The following MGAT4C variants were observed in gnomAD, a reference collection of about 807,000 sequenced individuals.
The protein encoded by MGAT4C is MGAT4 family member C.
Under a neutral mutation model 40.1 loss-of-function variants are expected in MGAT4C, and 19 were observed. That is an observed-to-expected ratio of 0.47 (90% confidence interval 0.33 to 0.70). MGAT4C has a LOEUF of 0.70. Among genes scored for constraint, MGAT4C ranks in the 30% least tolerant of loss-of-function variants. The probability of loss-of-function intolerance (pLI) is 0.02; values close to 1 mark genes in which losing one functional copy is unlikely to be tolerated. For synonymous variants in MGAT4C, 181 were observed against 187.1 expected (o/e 0.97, Z 0.27); for missense variants, 491 against 563.2 (o/e 0.87, Z 1.30).
At chr12:86,700,468 GC>G (rs1950342475) in intron 2 of MGAT4C, among the ~76,000 whole-genome samples, 1 of 152,136 alleles carries the variant, frequency 6.6e-6, no homozygotes, top group South Asian at 2.1e-4. Flanking sequence ...AGCAAGTTAA[GC>G]TTTTTACAGC....
chr12:86,496,284 G>A (rs1421791706), intron 2 of MGAT4C, among the ~76,000 whole-genome samples: 2 of 151,760 alleles, frequency 1.3e-5, no homozygotes, highest in Non-Finnish European at 2.9e-5. Context: ...TTCCTCCTCA[G>A]ATATTTAAGC....
chr12:86,084,340 G>T (rs1052091479), intron 1 of MGAT4C, among the ~76,000 whole-genome samples: 8 of 151,964 alleles, frequency 5.3e-5, no homozygotes, highest in South Asian at 2.1e-4. Context: ...ATGAAGTATT[G>T]TACCAGAGTA....
intron 1 of MGAT4C, among the ~76,000 whole-genome samples, chr12:86,202,426 A>C (rs1306285870): frequency 1.3e-5 from 2 of 152,052 alleles, no homozygotes; most frequent in East Asian, 3.9e-4. Context: ...CCTGCATTCA[A>C]TAGATAACGT....
chr12:86,267,754 A>G (rs564277058), intron 4 of MGAT4C, among the ~76,000 whole-genome samples: 1 of 152,128 alleles, frequency 6.6e-6, no homozygotes, highest in South Asian at 2.1e-4. Flanking sequence ...GCAAAGATGA[A>G]CATATTTTTA....
At position 85,979,128 on chromosome 12, in the gene MGAT4C, TAA is replaced by T. The variant is rs1362143539; in HGVS notation, c.*159_*160del. On this transcript the variant is annotated 3_prime_UTR_variant, in exon 5 of 5. Transcript: ENST00000611864. Reference sequence around the variant, plus strand: ...CGTTAAAATAAATACAAGTGTGTATTAAGAGTAAAATTATGTCAACAATGTAT... The same window carrying T: ...CGTTAAAATAAATACAAGTGTGTATTGAGTAAAATTATGTCAACAATGTAT... 4 of 557,506 alleles carry T rather than the reference TAA, an allele frequency of 7.2e-6. No individual in the cohort carries two copies. The South Asian group carries it at 8.5e-5, about 12-fold the overall frequency. The allele number at this position is 557,506 out of a possible 1,614,324, so 34.5% of individuals were successfully genotyped here.
chr12:86,564,225 T>C (rs940175837), intron 2 of MGAT4C, among the ~76,000 whole-genome samples: 1 of 152,174 alleles, frequency 6.6e-6, no homozygotes, highest in African/African-American at 2.4e-5. Context: ...GCAGCTGCTG[T>C]AGCAGTAGTT....
chr12:86,004,759 C>A (rs987515132), intron 2 of MGAT4C, among the ~76,000 whole-genome samples: 1 of 152,130 alleles, frequency 6.6e-6, no homozygotes, highest in Non-Finnish European at 1.5e-5. Flanking sequence ...TCCTTTTTCT[C>A]TTATTTATGG....
intron 3 of MGAT4C, among the ~76,000 whole-genome samples, chr12:86,423,475 A>G (rs1182197740): frequency 6.6e-6 from 1 of 152,078 alleles, no homozygotes; most frequent in African/African-American, 2.4e-5. Flanking sequence ...CTATGATAGA[A>G]CAACTAAAAA....
chr12:86,339,645 A>C (rs1954866485), intron 3 of MGAT4C, among the ~76,000 whole-genome samples: 1 of 152,166 alleles, frequency 6.6e-6, no homozygotes, highest in African/African-American at 2.4e-5. Flanking sequence ...ATACACTTAC[A>C]TTATTTATAT....
At chr12:86,409,468 T>C (rs953921742) in intron 3 of MGAT4C, among the ~76,000 whole-genome samples, 1 of 152,160 alleles carries the variant, frequency 6.6e-6, no homozygotes, top group Non-Finnish European at 1.5e-5. Flanking sequence ...GTGTGCATTT[T>C]CATCTTTGTA....
intron 4 of MGAT4C, among the ~76,000 whole-genome samples, chr12:86,300,971 T>C (rs1438223456): frequency 1.3e-5 from 2 of 152,178 alleles, no homozygotes; most frequent in African/African-American, 4.8e-5. Flanking sequence ...AAATTAGCTA[T>C]TTACTATGTG....
At chr12:86,579,621 T>C (rs1377961351) in intron 2 of MGAT4C, among the ~76,000 whole-genome samples, 1 of 151,576 alleles carries the variant, frequency 6.6e-6, no homozygotes, top group African/African-American at 2.4e-5. Flanking sequence ...GTCTGTGTTT[T>C]TCTGTGTACT....
At position 86,816,196 on chromosome 12, in the gene MGAT4C, T is replaced by C. The variant is rs1952603787; in HGVS notation, c.-262+22470A>G. Among the ~76,000 whole-genome samples the C allele has an allele frequency of 2.0e-5, 3 of 152,028 alleles. No individual in the cohort carries two copies. In the South Asian group the frequency reaches 6.2e-4, roughly 31 times the overall value. On this transcript the variant is annotated intron_variant, in intron 1 of 7. Coordinates refer to the MGAT4C transcript ENST00000548651. ...GTTTTCATTAGATAGTCTTATCAGGTAAATGAATTTCTCTTTCATATCTCC... is the reference window on the plus strand; with the variant it reads ...GTTTTCATTAGATAGTCTTATCAGGCAAATGAATTTCTCTTTCATATCTCC...
intron 2 of MGAT4C, among the ~76,000 whole-genome samples, chr12:86,529,197 C>A (rs1958936537): frequency 6.6e-6 from 1 of 152,018 alleles, no homozygotes; most frequent in Admixed American, 6.5e-5. Flanking sequence ...TAACTTTTTT[C>A]ATTTCTAGAT....
At chr12:86,496,199 A>C (rs1310148419) in intron 2 of MGAT4C, among the ~76,000 whole-genome samples, 8 of 151,536 alleles carry the variant, frequency 5.3e-5, no homozygotes, top group Non-Finnish European at 1.2e-4. Context: ...AAAGACAAAA[A>C]CCCAGGACAG....
chr12:86,394,437 ATAT>A (rs1956210392), intron 3 of MGAT4C, among the ~76,000 whole-genome samples: 1 of 148,744 alleles, frequency 6.7e-6, no homozygotes, highest in African/African-American at 2.4e-5. Context: ...TTGCTCTGAA[ATAT>A]TATTAGAAAT....
At position 86,560,263 on chromosome 12, in the gene MGAT4C, AG is replaced by A. The variant is rs549671363; in HGVS notation, c.-228-124999del. Among the ~76,000 whole-genome samples the A allele has an allele frequency of 5.9e-5, 9 of 152,216 alleles. No homozygotes were observed. The East Asian group carries it at 1.7e-3, about 29-fold the overall frequency. ...ACTTTGCCAACAAATTGAAGATGAG[AG>A]AATTCTTTCTGTCTCATCTATGAGG... is the stretch of plus-strand genomic sequence containing the variant. On this transcript the variant is annotated intron_variant, in intron 2 of 7. Coordinates refer to the MGAT4C transcript ENST00000548651.
chr12:86,546,210 G>A (rs1355430449), intron 2 of MGAT4C, among the ~76,000 whole-genome samples: 1 of 151,818 alleles, frequency 6.6e-6, no homozygotes, highest in African/African-American at 2.4e-5. Context: ...TCATATTGTA[G>A]TATCAAACAT....
At chr12:86,765,474 C>A (rs1025829591) in intron 1 of MGAT4C, among the ~76,000 whole-genome samples, 5 of 152,128 alleles carry the variant, frequency 3.3e-5, no homozygotes, top group Non-Finnish European at 7.4e-5. Flanking sequence ...TTCCCCAATC[C>A]AGCAAGGCAG....
Sources: gnomAD v4.1 joint callset for allele counts (sites outside exome capture counted in the v4.1 genomes callset) on GRCh38, gnomAD v4.1.1 for gene constraint, MANE v1.5 for transcripts, NCBI Gene and HGNC (gene_info 2026-07-23, HGNC 2026-07-21) for gene names.